Variants in SCFD2 observed in about 807,000 individuals in gnomAD.
The protein encoded by SCFD2 is sec1 family domain containing 2.
In SCFD2, 54 loss-of-function variants were observed where a neutral mutation model predicts 58.9. The ratio of observed to expected loss-of-function variants is 0.92; its 90% CI spans 0.74 to 1.15. The LOEUF is 1.15. Among genes scored for constraint, SCFD2 ranks in the 50% most tolerant of loss-of-function variants. The pLI is 0.00. For synonymous variants in SCFD2, 321 were observed against 335.9 expected (o/e 0.96, Z 0.49); for missense variants, 805 against 836.6 (o/e 0.96, Z 0.47).
At chr4:53,065,878 G>A (rs992659630) in intron 5 of SCFD2, among the ~76,000 whole-genome samples, 1 of 152,002 alleles carries the variant, frequency 6.6e-6, no homozygotes, top group Non-Finnish European at 1.5e-5. Flanking sequence ...ATTGCTGACT[G>A]AGGTTTAAAA....
intron 5 of SCFD2, among the ~76,000 whole-genome samples, chr4:53,035,469 A>G (rs1251847860): frequency 2.0e-5 from 3 of 152,246 alleles, no homozygotes; most frequent in Non-Finnish European, 2.9e-5. Context: ...GCCAAAATTG[A>G]CAAATGGGAT....
chr4:53,155,762 C>G (rs762348172), intron 4 of SCFD2, among the ~76,000 whole-genome samples: 5 of 152,082 alleles, frequency 3.3e-5, no homozygotes, highest in Admixed American at 6.5e-5. Context: ...ATCGCATAAG[C>G]CAATATTTAT....
chr4:53,000,842 A>G (rs1721847806), intron 5 of SCFD2, among the ~76,000 whole-genome samples: 2 of 152,182 alleles, frequency 1.3e-5, no homozygotes, highest in Non-Finnish European at 2.9e-5. Context: ...GCGGTGAAAA[A>G]GGGTCTTTGC....
intron 5 of SCFD2, among the ~76,000 whole-genome samples, chr4:52,964,192 T>G (rs1295602666): frequency 6.6e-6 from 1 of 152,208 alleles, no homozygotes; most frequent in Non-Finnish European, 1.5e-5. Context: ...ATTTTAAAGC[T>G]AATTAGTACA....
intron 5 of SCFD2, among the ~76,000 whole-genome samples, chr4:53,010,538 C>T (rs141271841): frequency 3.7e-4 from 56 of 152,324 alleles, no homozygotes; most frequent in Middle Eastern, 3.4e-3. Context: ...ACATTCTTGG[C>T]GGAAATCCCT....
chr4:53,023,612 C>T (rs1325450024), intron 5 of SCFD2, among the ~76,000 whole-genome samples: 4 of 152,132 alleles, frequency 2.6e-5, no homozygotes, highest in East Asian at 1.9e-4. Context: ...CTATATAGGA[C>T]ATATGAATTT....
intron 5 of SCFD2, among the ~76,000 whole-genome samples, chr4:52,966,843 C>A (rs1205932395): frequency 3.9e-5 from 6 of 152,044 alleles, no homozygotes; most frequent in Non-Finnish European, 5.9e-5. Flanking sequence ...GTGTAAAGCT[C>A]ATGTATATAA....
chr4:53,231,178 A>T (rs543587218), intron 4 of SCFD2, among the ~76,000 whole-genome samples: 97 of 151,578 alleles, frequency 6.4e-4, no homozygotes, highest in Middle Eastern at 6.8e-3. Flanking sequence ...CTAGTTTTTT[A>T]AAAAAAAACC....
At chr4:53,226,174 A>G (rs963141799) in intron 4 of SCFD2, among the ~76,000 whole-genome samples, 1 of 152,146 alleles carries the variant, frequency 6.6e-6, no homozygotes, top group African/African-American at 2.4e-5. Context: ...TTAGCCACAT[A>G]TTAAATATTA....
intron 5 of SCFD2, among the ~76,000 whole-genome samples, chr4:53,063,981 T>G (rs1254260915): frequency 6.6e-6 from 1 of 151,938 alleles, no homozygotes; most frequent in Admixed American, 6.6e-5. Context: ...CTTCCCTCCC[T>G]CTCTCCTTCC....
At chr4:53,155,979 A>G (rs1279911310) in intron 4 of SCFD2, among the ~76,000 whole-genome samples, 1 of 152,246 alleles carries the variant, frequency 6.6e-6, no homozygotes, top group Non-Finnish European at 1.5e-5. Flanking sequence ...AACAACACAG[A>G]TAAAGGCAGC....
At chr4:53,325,038 A>C (rs183072298) in intron 2 of SCFD2, among the ~76,000 whole-genome samples, 65 of 152,260 alleles carry the variant, frequency 4.3e-4, no homozygotes, top group Admixed American at 7.8e-4. Context: ...CCCAACCAAC[A>C]ATCAGGCCCT....
At chr4:52,900,172 G>C (rs1719148349) in intron 7 of SCFD2, among the ~76,000 whole-genome samples, 1 of 152,190 alleles carries the variant, frequency 6.6e-6, no homozygotes, top group Non-Finnish European at 1.5e-5. Flanking sequence ...TCTCCGTCCA[G>C]TTTTGTTCCG....
chr4:53,213,900 G>T (rs1212622633), intron 4 of SCFD2, among the ~76,000 whole-genome samples: 1 of 152,020 alleles, frequency 6.6e-6, no homozygotes, highest in Non-Finnish European at 1.5e-5. Flanking sequence ...GTGAGAACAT[G>T]TGGTGTTTGG....
intron 4 of SCFD2, among the ~76,000 whole-genome samples, chr4:53,210,145 T>C (rs1728563756): frequency 6.6e-6 from 1 of 152,102 alleles, no homozygotes; most frequent in Non-Finnish European, 1.5e-5. Flanking sequence ...CCATAATAGA[T>C]ATCTGTACTG....
intron 5 of SCFD2, among the ~76,000 whole-genome samples, chr4:53,021,176 A>G (rs1722340223): frequency 6.6e-6 from 1 of 152,200 alleles, no homozygotes; most frequent in Non-Finnish European, 1.5e-5. Flanking sequence ...GGGCCTTTTA[A>G]TTCATGACAG....
In SCFD2 at chr4:52,992,439, G is replaced by A. The variant is rs535104043; in HGVS notation, c.1562-71569C>T. Among the ~76,000 whole-genome samples, 960 of 152,216 alleles carry A rather than the reference G, an allele frequency of 6.3e-3. 10 individuals are homozygous for A. The highest frequency in any genetic ancestry group is 0.046 in the South Asian group (223 of 4,822). On this transcript the variant is annotated intron_variant, in intron 5 of 8. Coordinates refer to ENST00000401642, the MANE Select transcript of SCFD2 (RefSeq NM_152540.4). ...AAGTGCCGAGATTGCAGCCTCTGCCGGGCCGCCACCCCGTCTGGGAAGTGA... is the reference window on the plus strand; with the variant it reads ...AAGTGCCGAGATTGCAGCCTCTGCCAGGCCGCCACCCCGTCTGGGAAGTGA...
At chr4:52,959,884 G>A (rs1440248912) in intron 5 of SCFD2, among the ~76,000 whole-genome samples, 2 of 118,148 alleles carry the variant, frequency 1.7e-5, no homozygotes, top group Admixed American at 1.6e-4. Context: ...GGAAGAGAGA[G>A]ACTCCAAATT....
intron 2 of SCFD2, among the ~76,000 whole-genome samples, chr4:53,342,876 T>A (rs1733928221): frequency 6.6e-6 from 1 of 152,042 alleles, no homozygotes; most frequent in South Asian, 2.1e-4. Flanking sequence ...CATAACGAAA[T>A]GAAGGCAGAA....
Sources: allele counts gnomAD v4.1 joint callset (sites outside exome capture counted in the v4.1 genomes callset), GRCh38; gene constraint gnomAD v4.1.1; transcripts MANE v1.5; gene names NCBI Gene and HGNC (gene_info 2026-07-23, HGNC 2026-07-21).